MSR1: variants seen among roughly 807,000 people sequenced by gnomAD.
The protein encoded by MSR1 is macrophage scavenger receptor types I and II.
A neutral mutation model predicts 47.2 loss-of-function variants in MSR1; 53 were observed. The ratio of observed to expected loss-of-function variants is 1.12; its 90% CI spans 0.90 to 1.41. The LOEUF (loss-of-function observed/expected upper bound fraction) is 1.41, where lower values mean the gene tolerates loss of function less well. Among genes scored for constraint, MSR1 ranks in the 40% most tolerant of loss-of-function variants. MSR1 has a pLI of 0.00. For synonymous variants in MSR1, 239 were observed against 185.6 expected (o/e 1.29, Z -2.34); for missense variants, 786 against 546.9 (o/e 1.44, Z -4.36).
chr8:16,167,538 C>G (rs750514929), intron 4 of MSR1, among the ~76,000 whole-genome samples: 2 of 151,956 alleles, frequency 1.3e-5, no homozygotes, highest in Non-Finnish European at 2.9e-5. Flanking sequence ...GAGTGAGACT[C>G]CATCTCAAAA....
intron 1 of MSR1, among the ~76,000 whole-genome samples, chr8:16,188,761 G>C (rs539795011): frequency 5.7e-4 from 87 of 151,994 alleles, no homozygotes; most frequent in African/African-American, 2.0e-3. Context: ...AACATGCAGT[G>C]TTTCTTTTTC....
At chr8:16,150,540 G>A (rs1169936716) in intron 6 of MSR1, among the ~76,000 whole-genome samples, 1 of 151,980 alleles carries the variant, frequency 6.6e-6, no homozygotes, top group African/African-American at 2.4e-5. Context: ...ATAACATATT[G>A]TTGGTAGAAA....
chr8:16,129,142 G>C (rs1200032143), intron 8 of MSR1, among the ~76,000 whole-genome samples: 1 of 152,102 alleles, frequency 6.6e-6, no homozygotes, highest in African/African-American at 2.4e-5. Context: ...TGCAGTTAAA[G>C]AGGTTTACTT....
At chr8:16,119,662 A>G (rs1370163438) in intron 9 of MSR1, among the ~76,000 whole-genome samples, 1 of 152,104 alleles carries the variant, frequency 6.6e-6, no homozygotes, top group East Asian at 1.9e-4. Context: ...ACTTGGTAAT[A>G]TCTTCTAGGC....
chr8:16,154,286 C>T (rs1179388320), intron 6 of MSR1, among the ~76,000 whole-genome samples: 1 of 151,926 alleles, frequency 6.6e-6, no homozygotes, highest in Non-Finnish European at 1.5e-5. Flanking sequence ...TTGCAGTATA[C>T]TTCCTACCAT....
At chr8:16,152,180 C>A (rs1181863932) in intron 6 of MSR1, among the ~76,000 whole-genome samples, 1 of 152,076 alleles carries the variant, frequency 6.6e-6, no homozygotes, top group African/African-American at 2.4e-5. Flanking sequence ...GATACGTACA[C>A]AGTTAGCAGT....
intron 1 of MSR1, among the ~76,000 whole-genome samples, chr8:16,189,276 AATATATAAAATCTTATTTACATTTCATAT>A (rs1189346211): frequency 1.5e-4 from 19 of 128,006 alleles, no homozygotes; most frequent in African/African-American, 3.9e-4. Flanking sequence ...TTATATTTCA[AATATATAAAATCTTATTTACATTTCATAT>A]ATATATAAAA....
chr8:16,177,036 A>C (rs914087239), intron 2 of MSR1, among the ~76,000 whole-genome samples: 1 of 152,212 alleles, frequency 6.6e-6, no homozygotes, highest in South Asian at 2.1e-4. Context: ...TAGCAGAATT[A>C]TAAGTAACTT....
chr8:16,117,308 G>A lies in MSR1; in HGVS notation c.1222+3110C>T, dbSNP rs149631314. On this transcript the variant is annotated intron_variant, in intron 9 of 9. Transcript: ENST00000262101. ...TGCACGCTTCTTATGAGAATCTAAT[G>A]TCTGATGATCTGAGGTGGGGCTGCA... 7.4e-3 allele frequency among the ~76,000 whole-genome samples: 1,126 copies of A among 152,272 alleles called. 6 individuals are homozygous for A. Among genetic ancestry groups the A allele is most frequent in the Middle Eastern group, 0.017 (5 of 294 alleles).
At chr8:16,140,437 A>G (rs1800524318) in intron 8 of MSR1, 3 of 986,254 alleles carry the variant, frequency 3.0e-6, no homozygotes, top group African/African-American at 3.5e-5. Flanking sequence ...TGAGTTTTAG[A>G]TGGGATACTT....
At position 16,186,308 on chromosome 8, in the gene MSR1, T is replaced by C. The variant is rs77061383; in HGVS notation, c.-5+6290A>G. ...CCAGTTTCTGTTCTGTTTTCTCTCCTATTTTCACTCCCTTGGTGATCTCAC... is the reference window on the plus strand; with the variant it reads ...CCAGTTTCTGTTCTGTTTTCTCTCCCATTTTCACTCCCTTGGTGATCTCAC... On this transcript the variant is annotated intron_variant, in intron 1 of 9. Transcript: ENST00000262101. 6,133 of 962,118 alleles carry C rather than the reference T, an allele frequency of 6.4e-3. 180 individuals carry two copies. The East Asian group carries it at 0.083, about 13-fold the overall frequency. 59.6% of individuals were successfully genotyped at this position (962,118 alleles called of 1,614,324 possible).
intron 8 of MSR1, among the ~76,000 whole-genome samples, chr8:16,122,169 A>C (rs950142467): frequency 1.7e-4 from 26 of 152,224 alleles, no homozygotes; most frequent in Middle Eastern, 3.4e-3. Context: ...TTCACTTAAT[A>C]AGCATAAGTT....
At chr8:16,188,438 G>A (rs554775825) in intron 1 of MSR1, among the ~76,000 whole-genome samples, 7 of 151,982 alleles carry the variant, frequency 4.6e-5, no homozygotes, top group Non-Finnish European at 8.8e-5. Context: ...TTGGTATTAC[G>A]CGTTTTCCTT....
intron 1 of MSR1, 93 bp from the exon 2 acceptor site, chr8:16,178,085 G>A (rs905032921): frequency 3.1e-6 from 3 of 965,128 alleles, no homozygotes; most frequent in Non-Finnish European, 4.8e-6. Context: ...AGTTTGAAAT[G>A]GAATCTATTC....
intron 9 of MSR1, among the ~76,000 whole-genome samples, chr8:16,117,835 G>C (rs1052356386): frequency 6.6e-6 from 1 of 151,932 alleles, no homozygotes; most frequent in African/African-American, 2.4e-5. Context: ...ATAGTGAGTG[G>C]AATAATCTAC....
chr8:16,109,934 A>T lies in MSR1; in HGVS notation c.*151T>A. On this transcript the variant is annotated 3_prime_UTR_variant, in exon 10 of 10. Coordinates refer to ENST00000262101, the MANE Select transcript of MSR1 (RefSeq NM_138715.3). ...TATAGACATAAAATAGTAAGCATGA[A>T]GGTGTTCAATATATTAATCCTGTAA... 1 of 843,920 alleles carries T rather than the reference A, an allele frequency of 1.2e-6. No individual in the cohort carries two copies. Among genetic ancestry groups the T allele is most frequent in the Non-Finnish European group, 1.9e-6 (1 of 534,702 alleles). The allele number at this position is 843,920 out of a possible 1,614,324, so 52.3% of individuals were successfully genotyped here. A position where few individuals can be genotyped will look rare whatever the true frequency, so the allele number is the denominator to read the frequency against.
chr8:16,137,999 A>G (rs1457484184), intron 8 of MSR1, among the ~76,000 whole-genome samples: 2 of 151,774 alleles, frequency 1.3e-5, no homozygotes, highest in Admixed American at 6.6e-5. Flanking sequence ...CTCTTAAAAA[A>G]AGATAAAGGA....
At chr8:16,136,522 C>G (rs528214397) in intron 8 of MSR1, among the ~76,000 whole-genome samples, 2 of 151,644 alleles carry the variant, frequency 1.3e-5, no homozygotes, top group Non-Finnish European at 2.9e-5. Context: ...TTGCCTTGGT[C>G]TGGAACTGAA....
intron 6 of MSR1, among the ~76,000 whole-genome samples, chr8:16,154,238 G>A (rs2117142452): frequency 6.6e-6 from 1 of 152,030 alleles, no homozygotes; most frequent in East Asian, 1.9e-4. Flanking sequence ...ATTTAGACAT[G>A]TTTTGGTAAC....
Sources: gnomAD v4.1 joint callset for allele counts (sites outside exome capture counted in the v4.1 genomes callset) on GRCh38, gnomAD v4.1.1 for gene constraint, MANE v1.5 for transcripts, NCBI Gene and HGNC (gene_info 2026-07-23, HGNC 2026-07-21) for gene names.